The following ATP8A2 variants were observed in gnomAD, a reference collection of about 807,000 sequenced individuals.
The protein encoded by ATP8A2 is ATPase phospholipid transporting 8A2.
In ATP8A2, 100 loss-of-function variants were observed where a neutral mutation model predicts 165.6. That is an observed-to-expected ratio of 0.60 (90% CI 0.51 to 0.71). ATP8A2 has a LOEUF of 0.71. Ranked by LOEUF, ATP8A2 falls within the 30% of genes least tolerant of loss-of-function variation. ATP8A2 has a pLI of 0.00. For missense variants in ATP8A2, 1,227 were observed against 1,479.5 expected, an observed-to-expected ratio of 0.83 and a Z score of 2.80; for synonymous variants, 543 against 548.8, an observed-to-expected ratio of 0.99 and a Z score of 0.15.
chr13:25,597,900 TTTC>T (rs1474718455), intron 24 of ATP8A2, among the ~76,000 whole-genome samples: 4 of 152,270 alleles, frequency 2.6e-5, no homozygotes, highest in East Asian at 3.9e-4. Context: ...TCTTTCTCAT[TTTC>T]TTCTTCTTTT....
chr13:26,013,766 C>T (rs2139362976), intron 36 of ATP8A2, among the ~76,000 whole-genome samples: 1 of 152,230 alleles, frequency 6.6e-6, no homozygotes, highest in East Asian at 1.9e-4. Context: ...GATCTGTGTT[C>T]TGTTGAGCTC....
At chr13:25,427,996 C>T (rs114123874) in intron 1 of ATP8A2, among the ~76,000 whole-genome samples, 168 of 152,102 alleles carry the variant, frequency 1.1e-3, no homozygotes, top group African/African-American at 3.8e-3. Context: ...TAGTCCTTGG[C>T]AGCATGGCAA....
chr13:25,916,728 C>A (rs1404876631), intron 33 of ATP8A2, among the ~76,000 whole-genome samples: 2 of 152,182 alleles, frequency 1.3e-5, no homozygotes, highest in East Asian at 3.9e-4. Flanking sequence ...CATGTCACTC[C>A]TAACCCATCA....
At chr13:25,937,362 C>CTTTATTTTTTTTTTTTTTTTTTTTTTT in intron 33 of ATP8A2, among the ~76,000 whole-genome samples, 1 of 38,806 alleles carries the variant, frequency 2.6e-5, no homozygotes, top group South Asian at 1.7e-3. Context: ...TTCTTTCTTT[C>CTTTATTTTTTTTTTTTTTTTTTTTTTT]TTTTTTTTTT....
At chr13:25,742,055 G>A (rs2043924908) in intron 25 of ATP8A2, among the ~76,000 whole-genome samples, 1 of 152,172 alleles carries the variant, frequency 6.6e-6, no homozygotes, top group South Asian at 2.1e-4. Context: ...TTATCATTGT[G>A]TGAACATCAT....
intron 2 of ATP8A2, among the ~76,000 whole-genome samples, chr13:25,510,216 CACACAGAG>C (rs778293775): frequency 8.3e-6 from 1 of 119,830 alleles, no homozygotes; most frequent in African/African-American, 3.6e-5. Flanking sequence ...CACACACACA[CACACAGAG>C]AATGTTGAAA....
chr13:25,549,817 G>A (rs545008552), intron 10 of ATP8A2, among the ~76,000 whole-genome samples: 36 of 152,150 alleles, frequency 2.4e-4, no homozygotes, highest in African/African-American at 8.4e-4. Context: ...TTTTCTGCAG[G>A]CTTCAGAGGG....
chr13:25,512,966 C>A (rs2037307722), intron 2 of ATP8A2, among the ~76,000 whole-genome samples: 1 of 136,408 alleles, frequency 7.3e-6, no homozygotes, highest in Non-Finnish European at 1.7e-5. Flanking sequence ...GGGGCTGACC[C>A]CCCCACCTCC....
At chr13:25,974,073 G>A (rs1393007403) in intron 35 of ATP8A2, among the ~76,000 whole-genome samples, 1 of 152,136 alleles carries the variant, frequency 6.6e-6, no homozygotes, top group African/African-American at 2.4e-5. Flanking sequence ...CCTCAGCTCT[G>A]TCATGAAGCA....
chr13:25,488,205 A>T (rs532219328), intron 2 of ATP8A2, among the ~76,000 whole-genome samples: 2 of 151,916 alleles, frequency 1.3e-5, no homozygotes, highest in African/African-American at 4.8e-5. Context: ...TATCTTCTTT[A>T]TTATATTTAA....
At position 25,953,566 on chromosome 13, in the gene ATP8A2, C is replaced by CA. The variant is rs1402360810; in HGVS notation, c.3184-8009_3184-8008insA. 1.4e-5 allele frequency among the ~76,000 whole-genome samples: 2 copies of CA among 145,324 alleles called. No individual in the cohort carries two copies. The highest frequency in any genetic ancestry group is 2.6e-5 in the African/African-American group (1 of 38,716). Reference sequence around the variant, plus strand: ...AAAAAAGCAAGGGAAATAGGCAAGACGGCCAAATAGGAACAGCTCCAGTCT... The same window carrying CA: ...AAAAAAGCAAGGGAAATAGGCAAGACAGGCCAAATAGGAACAGCTCCAGTCT... On this transcript the variant is annotated intron_variant, in intron 33 of 36. Transcript: ENST00000381655. This position sits in a 1 kb window ranked among gnomAD's most constrained non-coding sequence, Gnocchi z 6.7.
At chr13:25,718,898 A>G (rs117373845) in intron 25 of ATP8A2, among the ~76,000 whole-genome samples, 1,661 of 152,326 alleles carry the variant, frequency 0.011, 17 homozygotes, top group South Asian at 0.018. Context: ...AGTTGGTACA[A>G]AAATGGCAGG....
intron 25 of ATP8A2, among the ~76,000 whole-genome samples, chr13:25,745,300 A>G (rs1228145276): frequency 6.6e-6 from 1 of 152,194 alleles, no homozygotes; most frequent in Admixed American, 6.5e-5. Context: ...CTCATGGCAT[A>G]GAACTCAGCT....
chr13:25,759,367 G>A (rs904176607), intron 25 of ATP8A2, among the ~76,000 whole-genome samples: 1 of 152,158 alleles, frequency 6.6e-6, no homozygotes, highest in Admixed American at 6.6e-5. Context: ...CACGATGCCT[G>A]GTCCTGCAGG....
intron 23 of ATP8A2, among the ~76,000 whole-genome samples, chr13:25,589,125 T>A (rs909056641): frequency 6.6e-6 from 1 of 152,236 alleles, no homozygotes; most frequent in Non-Finnish European, 1.5e-5. Flanking sequence ...AAAGCCTTTT[T>A]AAAATAACAA....
chr13:25,557,361 CT>C (rs914507689), intron 13 of ATP8A2, among the ~76,000 whole-genome samples: 1 of 150,990 alleles, frequency 6.6e-6, no homozygotes, highest in Non-Finnish European at 1.5e-5. Flanking sequence ...ATTTTTTTTT[CT>C]TTTTTTTGGC....
rs58430501 is a variant in ATP8A2, at chr13:25,786,754, G to GATT, written c.2679+11795_2679+11796insATT. On this transcript the variant is annotated intron_variant, in intron 27 of 36. Coordinates refer to ENST00000381655, the MANE Select transcript of ATP8A2 (RefSeq NM_016529.6). Reference sequence around the variant, plus strand: ...AACCCTTTTTAATGCACAATTCTATGTTTTTTTTTTTTTTTTTTTGAGACA... The same window carrying GATT: ...AACCCTTTTTAATGCACAATTCTATGATTTTTTTTTTTTTTTTTTTTTGAGACA... Among the ~76,000 whole-genome samples the GATT allele has an allele frequency of 5.1e-3, 684 of 134,608 alleles. 48 individuals are homozygous for GATT. The highest frequency in any genetic ancestry group is 0.013 in the African/African-American group (462 of 36,162). 88.3% of individuals were successfully genotyped at this position (134,608 alleles called of 152,430 possible).
rs534383092 is a variant in ATP8A2, at chr13:25,784,799, G to A, written c.2679+9840G>A. 1.3e-3 allele frequency among the ~76,000 whole-genome samples: 204 copies of A among 151,832 alleles called. 1 individual carries two copies. Among genetic ancestry groups the A allele is most frequent in the African/African-American group, 4.6e-3 (192 of 41,420 alleles). On this transcript the variant is annotated intron_variant, in intron 27 of 36. Coordinates refer to ENST00000381655, the MANE Select transcript of ATP8A2 (RefSeq NM_016529.6). ...TCTTTTGTTTGAGAAGGAGTCTCGC[G>A]CTGTCACCCAGGCTGGAGTGCAATG...
At chr13:25,699,446 T>A (rs902840036) in intron 25 of ATP8A2, 101 bp downstream of exon 25, 13 of 993,084 alleles carry the variant, frequency 1.3e-5, no homozygotes, top group African/African-American at 1.7e-5. Context: ...TTTAAAGTTT[T>A]GTATCTAAAA....
Sources: gnomAD v4.1 joint callset for allele counts (sites outside exome capture counted in the v4.1 genomes callset) on GRCh38, gnomAD v4.1.1 for gene constraint, Gnocchi (gnomAD v3.1) non-coding constraint, MANE v1.5 for transcripts, NCBI Gene and HGNC (gene_info 2026-07-23, HGNC 2026-07-21) for gene names.